Variants in TPR observed in about 807,000 individuals in gnomAD.
The protein encoded by TPR is nucleoprotein TPR.
In TPR, 51 loss-of-function variants were observed where a neutral mutation model predicts 316.1. The ratio of observed to expected loss-of-function variants is 0.16; its 90% CI spans 0.13 to 0.20. The LOEUF (loss-of-function observed/expected upper bound fraction) is 0.20, where lower values mean the gene tolerates loss of function less well. Ranked by LOEUF, TPR falls within the 10% of genes least tolerant of loss-of-function variation. The pLI is 1.00. For missense variants in TPR, 2,272 were observed against 2,754.8 expected (o/e 0.82, Z 3.92); for synonymous variants, 981 against 914.7 (o/e 1.07, Z -1.31).
rs759622816 is a variant in TPR at position 186,333,316 on chromosome 1, T to C, written c.5261A>G (p.Asn1754Ser). Residue 1754 changes from asparagine to serine, a missense_variant, in exon 37 of 51, where the codon AAT (asparagine) becomes AGT (serine). Asn to Ser is a conservative substitution (Grantham distance 46). Coordinates refer to ENST00000367478, the MANE Select transcript of TPR (RefSeq NM_003292.3). ...TSGSVRSTSP[N>S]VQPSISQPIL... ...AGGTTGAGAGATAGAAGGCTGGACATTAGGACTAGTAGAACGAACGGATCC... is the reference window on the plus strand; with the variant it reads ...AGGTTGAGAGATAGAAGGCTGGACACTAGGACTAGTAGAACGAACGGATCC... 1 of 1,613,702 alleles carries C rather than the reference T, an allele frequency of 6.2e-7. No individual in the cohort carries two copies. Among genetic ancestry groups the C allele is most frequent in the Admixed American group, 1.7e-5 (1 of 59,952 alleles).
chr1:186,330,762 T>C (rs1281711077), intron 39 of TPR, among the ~76,000 whole-genome samples: 1 of 152,096 alleles, frequency 6.6e-6, no homozygotes, highest in Non-Finnish European at 1.5e-5. Context: ...CTCCTTTCTA[T>C]TAAACACTAT....
At chr1:186,360,416 G>C in intron 10 of TPR, 52 bp from the exon 11 acceptor site, 1 of 1,580,112 alleles carries the variant, frequency 6.3e-7, no homozygotes. Flanking sequence ...CAAACTAAAA[G>C]CCATTAATAA....
rs142055149 is a variant in TPR, at chr1:186,374,392, T to C, written c.151+486A>G. Among the ~76,000 whole-genome samples, 87 of 152,356 alleles carry C rather than the reference T, an allele frequency of 5.7e-4. No homozygotes were observed. The East Asian group carries it at 0.017, about 29-fold the overall frequency. Reference sequence around the variant, plus strand: ...ATTCACTGTGTTTCCAGCGCTCTTATGCACCTAATATTCATTTTTGTAAAC... The same window carrying C: ...ATTCACTGTGTTTCCAGCGCTCTTACGCACCTAATATTCATTTTTGTAAAC... On this transcript the variant is annotated intron_variant, in intron 1 of 50. Coordinates refer to ENST00000367478, the MANE Select transcript of TPR (RefSeq NM_003292.3).
In TPR at chr1:186,358,615, G is replaced by C; in HGVS notation, c.1425C>G (p.Ala475=). Residue 475 remains alanine (A), a synonymous_variant, in exon 13 of 51, where the codon GCC becomes GCG. Coordinates refer to ENST00000367478, the MANE Select transcript of TPR (RefSeq NM_003292.3). ...IQRLQEDTDK[A]NKQSSVLERD... ...TCTCAAGTACAGATGATTGCTTGTT[G>C]GCTTTATCAGTGTCCTCCTGCAATC... 1 of 1,611,936 alleles carries C rather than the reference G, an allele frequency of 6.2e-7. No individual in the cohort carries two copies. Among genetic ancestry groups the C allele is most frequent in the African/African-American group, 1.3e-5 (1 of 74,880 alleles).
intron 4 of TPR, among the ~76,000 whole-genome samples, chr1:186,365,027 C>A (rs191622206): frequency 7.9e-5 from 12 of 151,882 alleles, no homozygotes; most frequent in Non-Finnish European, 1.2e-4. Context: ...CAATGACAGA[C>A]CCCCTTCTCT....
At chr1:186,358,480 G>C (rs1659090585) in intron 13 of TPR, 63 bp downstream of exon 13, 10 of 1,286,680 alleles carry the variant, frequency 7.8e-6, no homozygotes, top group Non-Finnish European at 1.0e-5. Context: ...CCTTCAAACA[G>C]ATTCAAAGAT....
At chr1:186,357,857 A>T (rs75108506) in intron 13 of TPR, among the ~76,000 whole-genome samples, 9,823 of 152,276 alleles carry the variant, frequency 0.065, 464 homozygotes, top group Non-Finnish European at 0.099. Context: ...CAAAGTAGCC[A>T]AATTACAATT....
chr1:186,367,970 T>C lies in TPR; in HGVS notation c.343A>G (p.Arg115Gly). 1 of 1,609,694 alleles carries C rather than the reference T, an allele frequency of 6.2e-7. No individual in the cohort carries two copies. The highest frequency in any genetic ancestry group is 8.5e-7 in the Non-Finnish European group (1 of 1,179,134). The change falls in exon 4 of 51, where the codon AGA becomes GGA. Residue 115 changes from arginine to glycine, a missense_variant. Arg to Gly is a moderately radical substitution (Grantham distance 125). Around this residue, in one of 10 missense-constraint regions of TPR, gnomAD observed 549 missense variants for 598.6 expected, o/e 0.92. Coordinates refer to ENST00000367478, the MANE Select transcript of TPR (RefSeq NM_003292.3). ...TCAGCTTCTAATTCTTCCTTTGTTC[T>C]TGTAAATTGGCTCTGTCATATAAAG... is the stretch of plus-strand genomic sequence containing the variant. ...RNIAIQSQFT[R>G]TKEELEAEKR...
In TPR at chr1:186,360,941, T is replaced by C. The variant is rs753637339; in HGVS notation, c.959-36A>G. 20 of 1,592,238 alleles carry C rather than the reference T, an allele frequency of 1.3e-5. No individual in the cohort carries two copies. The South Asian group carries it at 1.5e-4, about 12-fold the overall frequency. On this transcript the variant is annotated intron_variant, in intron 9 of 50. Transcript: ENST00000367478. ...ATTTTAAAGACCAAATATTCAAACATACAGTTAAAATTTTAGTTTACAAAA... is the reference window on the plus strand; with the variant it reads ...ATTTTAAAGACCAAATATTCAAACACACAGTTAAAATTTTAGTTTACAAAA...
chr1:186,335,081 C>A lies in TPR; in HGVS notation c.4960G>T (p.Gly1654Cys), dbSNP rs778998789. The change falls in exon 35 of 51, where the codon GGT (glycine) becomes TGT (cysteine). Residue 1654 changes from glycine (G) to cysteine (C), a missense_variant. This residue lies in a region of TPR where 109 missense variants were observed against 215.3 expected (regional missense o/e 0.51). Coordinates refer to ENST00000367478, the MANE Select transcript of TPR (RefSeq NM_003292.3). ...QITLKTTPAS[G>C]ERGIASTSDP... is the part of the protein sequence containing the mutation. ...ACTAAAACTCACATTCCTCTTTCAC[C>A]AGAAGCTGGAGTTGTTTTCAATGTG... The A allele has an allele frequency of 1.2e-6, 2 of 1,612,344 alleles. No homozygotes were observed. The highest frequency in any genetic ancestry group is 1.7e-6 in the Non-Finnish European group (2 of 1,179,266).
rs186018373 is a variant in TPR, at chr1:186,334,920, C to G, written c.4973+148G>C. 197 of 757,028 alleles carry G rather than the reference C, an allele frequency of 2.6e-4. 1 individual carries two copies. Among genetic ancestry groups the G allele is most frequent in the Non-Finnish European group, 5.7e-5 (28 of 492,710 alleles). 46.9% of individuals were successfully genotyped at this position (757,028 alleles called of 1,614,324 possible). A position where few individuals can be genotyped will look rare whatever the true frequency, so the allele number is the denominator to read the frequency against. On this transcript the variant is annotated intron_variant, in intron 35 of 50. Coordinates refer to ENST00000367478, the MANE Select transcript of TPR (RefSeq NM_003292.3). ...TATGGTGAAAACAAGCTGGCAAATA[C>G]ATGATACAGTTCTGCAGAGAAAACA...
chr1:186,323,537 A>C (rs1657829666), intron 43 of TPR, 149 bp downstream of exon 43: 1 of 703,768 alleles, frequency 1.4e-6, no homozygotes, highest in Non-Finnish European at 2.1e-6. Context: ...AGTTCAAAGA[A>C]TTTTATAAAA....
In TPR at chr1:186,361,647, G is replaced by A. The variant is rs767791116; in HGVS notation, c.933C>T (p.His311=). The A allele has an allele frequency of 1.2e-6, 2 of 1,612,952 alleles. No individual in the cohort carries two copies. The highest frequency in any genetic ancestry group is 8.5e-7 in the Non-Finnish European group (1 of 1,179,252). Reference sequence around the variant, plus strand: ...CTTCACCAGCTTCTTTCAAAAGTTTGTGTAGTTCCTCTACTGCCCGGGTTA... The same window carrying A: ...CTTCACCAGCTTCTTTCAAAAGTTTATGTAGTTCCTCTACTGCCCGGGTTA... ...NELTRAVEEL[H]KLLKEAGEAN... The change falls in exon 9 of 51, where the codon CAC becomes CAT. Residue 311 remains histidine (H), a synonymous_variant. Transcript: ENST00000367478.
chr1:186,340,076 C>G (rs2102071374), intron 29 of TPR, among the ~76,000 whole-genome samples: 1 of 152,212 alleles, frequency 6.6e-6, no homozygotes, highest in South Asian at 2.1e-4. Flanking sequence ...AGAATCAAAA[C>G]TTTCAATATT....
intron 27 of TPR, 173 bp from the exon 28 acceptor site, chr1:186,341,562 A>G: frequency 1.7e-6 from 1 of 588,884 alleles, no homozygotes; most frequent in Non-Finnish European, 2.8e-6. Context: ...TGCGAACTGC[A>G]GACTTTAAAC....
chr1:186,331,466 C>T (rs779427504), intron 39 of TPR, 32 bp downstream of exon 39: 33 of 1,480,168 alleles, frequency 2.2e-5, no homozygotes, highest in East Asian at 4.6e-5. Flanking sequence ...CGAAAAGCAA[C>T]GGTGTGGTAC....
At chr1:186,356,633 GTAC>G (rs1199520306) in intron 14 of TPR, 184 bp from the exon 15 acceptor site, 1 of 513,574 alleles carries the variant, frequency 1.9e-6, no homozygotes, top group Non-Finnish European at 3.4e-6. Context: ...CAGGACTCAG[GTAC>G]TTATACTTAC....
chr1:186,333,041 C>A, intron 37 of TPR, 81 bp downstream of exon 37: 1 of 1,480,376 alleles, frequency 6.8e-7, no homozygotes, highest in Non-Finnish European at 9.1e-7. Flanking sequence ...AAAGAATACT[C>A]AAGATATATA....
intron 35 of TPR, 121 bp from the exon 36 acceptor site, chr1:186,334,654 G>T: frequency 1.9e-6 from 2 of 1,062,776 alleles, no homozygotes; most frequent in Non-Finnish European, 2.7e-6. Context: ...CCTTATTAAA[G>T]CTGTTTTGAA....
Sources: gnomAD v4.1 joint callset for allele counts (sites outside exome capture counted in the v4.1 genomes callset) on GRCh38, gnomAD v4.1.1 for gene constraint, gnomAD v4.1.1 regional missense constraint, MANE v1.5 for transcripts, NCBI Gene and HGNC (gene_info 2026-07-23, HGNC 2026-07-21) for gene names.